The following HDAC9 variants were observed in gnomAD, a reference collection of about 807,000 sequenced individuals.
HDAC9 encodes histone deacetylase 9, also known as MEF-2 interacting transcription repressor (MITR) protein.
HDAC9 carries 41 observed loss-of-function variants against 139.4 expected under a neutral mutation model. The ratio of observed to expected loss-of-function variants is 0.29; its 90% CI spans 0.23 to 0.38. The LOEUF is 0.38. HDAC9 is among the 10% of genes least tolerant of loss of function. HDAC9 has a pLI of 1.00. For synonymous variants in HDAC9, 517 were observed against 476.2 expected (o/e 1.09, Z -1.12); for missense variants, 1,147 against 1,297.0 (o/e 0.88, Z 1.78).
intron 12 of HDAC9, among the ~76,000 whole-genome samples, chr7:18,705,936 G>A (rs2129107894): frequency 6.8e-6 from 1 of 147,172 alleles, no homozygotes; most frequent in Non-Finnish European, 1.5e-5. Flanking sequence ...AACAAAACAA[G>A]AACATATATT....
At chr7:18,551,152 C>T (rs1050711309) in intron 2 of HDAC9, among the ~76,000 whole-genome samples, 1 of 152,122 alleles carries the variant, frequency 6.6e-6, no homozygotes, top group African/African-American at 2.4e-5. Context: ...TGGGCATGAG[C>T]ATCTGGAAGG....
chr7:18,156,453 T>C (rs999765715), intron 1 of HDAC9, among the ~76,000 whole-genome samples: 5 of 152,204 alleles, frequency 3.3e-5, no homozygotes, highest in Admixed American at 1.3e-4. Flanking sequence ...CCAAGGACTA[T>C]GTTCTAGTCC....
chr7:18,560,524 T>C (rs1412584622), intron 2 of HDAC9, among the ~76,000 whole-genome samples: 1 of 152,108 alleles, frequency 6.6e-6, no homozygotes, highest in Non-Finnish European at 1.5e-5. Flanking sequence ...AAAACCTTGT[T>C]GTGTAAAGTG....
chr7:18,352,038 T>C (rs1782889395), intron 1 of HDAC9, among the ~76,000 whole-genome samples: 1 of 152,166 alleles, frequency 6.6e-6, no homozygotes, highest in Non-Finnish European at 1.5e-5. Context: ...AAAATGAGTT[T>C]ATATTTTTCT....
intron 1 of HDAC9, among the ~76,000 whole-genome samples, chr7:18,417,584 GTGT>G (rs1210263974): frequency 6.6e-6 from 1 of 152,122 alleles, no homozygotes; most frequent in African/African-American, 2.4e-5. Context: ...ATCCTCTTGA[GTGT>G]TGTTTTTGAG....
At chr7:18,221,201 G>C (rs1792679761) in intron 2 of HDAC9, among the ~76,000 whole-genome samples, 1 of 150,848 alleles carries the variant, frequency 6.6e-6, no homozygotes, top group Non-Finnish European at 1.5e-5. Flanking sequence ...CGCCTCCCAG[G>C]TTCAAGCGAT....
intron 2 of HDAC9, among the ~76,000 whole-genome samples, chr7:18,167,712 A>G (rs577329786): frequency 1.2e-4 from 18 of 152,290 alleles, no homozygotes; most frequent in African/African-American, 3.9e-4. Flanking sequence ...CCAAAGGTAC[A>G]TCACTTTTGT....
rs958915567 is a variant in HDAC9 at position 18,489,207 on chromosome 7, C to G, written c.-41-7055C>G. ...TAAGCTCTGGTAATACAGGAGAAAGCAAAATGAACTATTTTTTCAAGTTGA... is the reference window on the plus strand; with the variant it reads ...TAAGCTCTGGTAATACAGGAGAAAGGAAAATGAACTATTTTTTCAAGTTGA... On this transcript the variant is annotated intron_variant, in intron 1 of 3. Coordinates refer to the HDAC9 transcript ENST00000413509. Among the ~76,000 whole-genome samples the G allele has an allele frequency of 2.0e-5, 3 of 152,006 alleles. No individual in the cohort carries two copies. The East Asian group carries it at 5.8e-4, about 29-fold the overall frequency.
chr7:18,985,055 T>A (rs1785224191), intron 25 of HDAC9, among the ~76,000 whole-genome samples: 1 of 152,132 alleles, frequency 6.6e-6, no homozygotes, highest in South Asian at 2.1e-4. Context: ...TCTTTATTTT[T>A]TTTTAATTCT....
chr7:18,919,845 C>T (rs918473255), intron 22 of HDAC9, among the ~76,000 whole-genome samples: 1 of 152,056 alleles, frequency 6.6e-6, no homozygotes, highest in African/African-American at 2.4e-5. Flanking sequence ...TCTTCTGTTC[C>T]ATGGGTCTAT....
intron 18 of HDAC9, 72 bp from the exon 19 acceptor site, chr7:18,829,389 T>A (rs1272002396): frequency 7.8e-7 from 1 of 1,275,966 alleles, no homozygotes; most frequent in Non-Finnish European, 1.1e-6. Context: ...AAAAAAATGC[T>A]CTGAACATTA....
intron 12 of HDAC9, among the ~76,000 whole-genome samples, chr7:18,697,248 A>G (rs1273491659): frequency 6.6e-6 from 1 of 152,168 alleles, no homozygotes; most frequent in Non-Finnish European, 1.5e-5. Flanking sequence ...GGCCCAGCCT[A>G]TGGGAGATGG....
intron 1 of HDAC9, among the ~76,000 whole-genome samples, chr7:18,113,217 A>G (rs1783744939): frequency 6.6e-6 from 1 of 152,210 alleles, no homozygotes; most frequent in Non-Finnish European, 1.5e-5. Context: ...AAAGAAGCTC[A>G]GAAAGATATC....
intron 22 of HDAC9, among the ~76,000 whole-genome samples, chr7:18,909,527 T>C (rs931456807): frequency 6.6e-6 from 1 of 152,100 alleles, no homozygotes; most frequent in African/African-American, 2.4e-5. Context: ...GTTGTGGGTG[T>C]TCCATTTAAG....
intron 2 of HDAC9, among the ~76,000 whole-genome samples, chr7:18,274,464 C>G (rs754143287): frequency 6.6e-6 from 1 of 152,074 alleles, no homozygotes; most frequent in Non-Finnish European, 1.5e-5. Flanking sequence ...GCCAAGAACT[C>G]ACTCACCCCC....
At chr7:18,724,544 A>G (rs1013957742) in intron 12 of HDAC9, among the ~76,000 whole-genome samples, 10 of 152,168 alleles carry the variant, frequency 6.6e-5, no homozygotes, top group African/African-American at 2.4e-5. Flanking sequence ...ATGAAGGCCT[A>G]TGACATTATT....
chr7:18,192,769 A>G (rs1202166782), intron 2 of HDAC9, among the ~76,000 whole-genome samples: 1 of 152,222 alleles, frequency 6.6e-6, no homozygotes, highest in Non-Finnish European at 1.5e-5. Context: ...AACATGCCAG[A>G]ATGCACACAC....
chr7:18,452,299 AG>A (rs1291924789), intron 1 of HDAC9, among the ~76,000 whole-genome samples: 1 of 152,188 alleles, frequency 6.6e-6, no homozygotes, highest in Admixed American at 6.6e-5. Context: ...AAGTGGCAGC[AG>A]GAACATTGTC....
In HDAC9 at chr7:18,802,478, C is replaced by A. The variant is rs191038540; in HGVS notation, c.2322+9026C>A. ...TGTGTGCTTAAATAGAATCGGCATC[C>A]ACATATTATTGAGTGTAATATTTTA... is the stretch of plus-strand genomic sequence containing the variant. On this transcript the variant is annotated intron_variant, in intron 17 of 25. Transcript: ENST00000686413. 3.2e-3 allele frequency among the ~76,000 whole-genome samples: 493 copies of A among 151,896 alleles called. 3 individuals are homozygous for A. Among genetic ancestry groups the A allele is most frequent in the Non-Finnish European group, 4.9e-3 (332 of 67,790 alleles).
Sources: gnomAD v4.1 joint callset for allele counts (sites outside exome capture counted in the v4.1 genomes callset) on GRCh38, gnomAD v4.1.1 for gene constraint, MANE v1.5 for transcripts, NCBI Gene and HGNC (gene_info 2026-07-23, HGNC 2026-07-21) for gene names.